The following F13A1 variants were observed in gnomAD, a reference collection of about 807,000 sequenced individuals.
F13A1 encodes the protein FSF, A subunit.
F13A1 carries 47 observed loss-of-function variants against 80.1 expected under a neutral mutation model. The observed-to-expected ratio is 0.59, with a 90% CI of 0.46 to 0.75. The LOEUF (loss-of-function observed/expected upper bound fraction) is 0.75, where lower values mean the gene tolerates loss of function less well. Among genes scored for constraint, F13A1 ranks in the 30% least tolerant of loss-of-function variants. The probability of loss-of-function intolerance (pLI) is 0.00; values close to 1 mark genes in which losing one functional copy is unlikely to be tolerated. For synonymous variants in F13A1, 349 were observed against 344.9 expected (o/e 1.01, Z -0.13); for missense variants, 817 against 930.4 (o/e 0.88, Z 1.59).
chr6:6,308,606 C>CTT (rs770570204), intron 2 of F13A1, among the ~76,000 whole-genome samples: 1,629 of 88,832 alleles, frequency 0.018, 28 homozygotes, highest in East Asian at 0.024. Flanking sequence ...AAAACACATT[C>CTT]TTTTTTTTTT....
intron 13 of F13A1, among the ~76,000 whole-genome samples, chr6:6,153,422 C>T (rs543888705): frequency 1.3e-5 from 2 of 152,198 alleles, no homozygotes; most frequent in Admixed American, 6.5e-5. Flanking sequence ...TATTATATAT[C>T]GATTAAAAGA....
intron 3 of F13A1, among the ~76,000 whole-genome samples, chr6:6,275,632 G>A (rs958474507): frequency 3.9e-5 from 6 of 152,182 alleles, no homozygotes; most frequent in African/African-American, 7.2e-5. Flanking sequence ...GCCTCCCAAT[G>A]TGCTGGGATT....
intron 3 of F13A1, among the ~76,000 whole-genome samples, chr6:6,291,463 T>C (rs1758223535): frequency 6.6e-6 from 1 of 152,154 alleles, no homozygotes; most frequent in South Asian, 2.1e-4. Context: ...TAAAGATTCA[T>C]CCAAATTGAC....
In F13A1 at chr6:6,197,593, G is replaced by A. The variant is rs1012185315; in HGVS notation, c.1113-267C>T. Among the ~76,000 whole-genome samples the A allele has an allele frequency of 3.9e-5, 6 of 151,912 alleles. No homozygotes were observed. The East Asian group carries it at 7.7e-4, about 20-fold the overall frequency. On this transcript the variant is annotated intron_variant, in intron 8 of 14. Transcript: ENST00000264870. ...CTTGGGAGGCTGAGGCAGGAGAATC[G>A]CTTGAATCTGGGATATGGAGGTTAC...
At chr6:6,179,075 A>G (rs1036963550) in intron 11 of F13A1, among the ~76,000 whole-genome samples, 2 of 152,174 alleles carry the variant, frequency 1.3e-5, no homozygotes, top group African/African-American at 4.8e-5. Context: ...GATTTTTGTA[A>G]TTTTTGTTTT....
intron 8 of F13A1, among the ~76,000 whole-genome samples, chr6:6,213,126 T>G (rs373062357): frequency 6.6e-6 from 1 of 152,132 alleles, no homozygotes; most frequent in South Asian, 2.1e-4. Context: ...TCCAGGAGAA[T>G]TTCCCCAATC....
intron 6 of F13A1, 49 bp from the exon 7 acceptor site, chr6:6,224,909 G>A: frequency 6.2e-7 from 1 of 1,603,856 alleles, no homozygotes; most frequent in Non-Finnish European, 8.5e-7. Flanking sequence ...ATTTAGGTTT[G>A]TCTACTCCAG....
At chr6:6,296,815 GT>G (rs1422575381) in intron 3 of F13A1, among the ~76,000 whole-genome samples, 3 of 147,138 alleles carry the variant, frequency 2.0e-5, no homozygotes, top group African/African-American at 7.9e-5. Flanking sequence ...GGGCATCCCT[GT>G]CTTGTGCCAG....
Position 6,305,554 on chromosome 6 carries a change from A to G in F13A1, c.131-15T>C. The G allele has an allele frequency of 6.2e-7, 1 of 1,613,702 alleles. No homozygotes were observed. The highest frequency in any genetic ancestry group is 8.5e-7 in the Non-Finnish European group (1 of 1,179,634). ...ATTAAGAAACTCTATGAACAAGAAAAACAAGGGTTGAAGAAAATAATCAAC... is the reference window on the plus strand; with the variant it reads ...ATTAAGAAACTCTATGAACAAGAAAGACAAGGGTTGAAGAAAATAATCAAC... On this transcript the variant is annotated splice_polypyrimidine_tract_variant and intron_variant, in intron 2 of 14. Transcript: ENST00000264870.
At chr6:6,241,118 T>A (rs1043659781) in intron 6 of F13A1, among the ~76,000 whole-genome samples, 1 of 152,166 alleles carries the variant, frequency 6.6e-6, no homozygotes, top group Non-Finnish European at 1.5e-5. Context: ...AGAAATTTCA[T>A]TCCTGATATG....
intron 2 of F13A1, among the ~76,000 whole-genome samples, chr6:6,317,603 A>C (rs948671756): frequency 1.5e-4 from 23 of 151,998 alleles, no homozygotes; most frequent in Admixed American, 1.5e-3. Context: ...TCCCTTTGCT[A>C]TATGGAGAGC....
chr6:6,248,768 G>A (rs1324637929), intron 5 of F13A1, among the ~76,000 whole-genome samples: 1 of 152,140 alleles, frequency 6.6e-6, no homozygotes, highest in Admixed American at 6.5e-5. Flanking sequence ...AAGAAGGAAT[G>A]AATCATTTAC....
chr6:6,278,287 A>C, intron 3 of F13A1, among the ~76,000 whole-genome samples: 1 of 152,200 alleles, frequency 6.6e-6, no homozygotes. Context: ...AAGTGCTATG[A>C]AAAAATGACT....
intron 13 of F13A1, among the ~76,000 whole-genome samples, chr6:6,155,230 CAGTG>C (rs1472535853): frequency 1.3e-5 from 2 of 152,174 alleles, no homozygotes; most frequent in African/African-American, 4.8e-5. Context: ...TCACTGATGA[CAGTG>C]AGAAGGAATG....
chr6:6,285,673 G>A (rs926401522), intron 3 of F13A1, among the ~76,000 whole-genome samples: 14 of 152,220 alleles, frequency 9.2e-5, no homozygotes, highest in African/African-American at 3.4e-4. Flanking sequence ...TAGGGGAGGA[G>A]AGGGCTTCCC....
intron 3 of F13A1, among the ~76,000 whole-genome samples, chr6:6,277,062 C>T (rs1177556052): frequency 2.0e-5 from 3 of 152,086 alleles, no homozygotes; most frequent in Non-Finnish European, 4.4e-5. Context: ...TTTCCTTTTG[C>T]TGTTTAGACA....
At chr6:6,266,866 C>T (rs1757852951) in intron 3 of F13A1, 57 bp from the exon 4 acceptor site, 3 of 1,611,548 alleles carry the variant, frequency 1.9e-6, no homozygotes, top group South Asian at 2.2e-5. Flanking sequence ...CATTTTTGTT[C>T]TCACTCTGTT....
chr6:6,236,527 C>T (rs932893388), intron 6 of F13A1, among the ~76,000 whole-genome samples: 3 of 152,000 alleles, frequency 2.0e-5, no homozygotes, highest in African/African-American at 7.2e-5. Context: ...TTTCTTGATT[C>T]TTCAATTTCC....
intron 3 of F13A1, among the ~76,000 whole-genome samples, chr6:6,287,876 C>G (rs1758160382): frequency 6.6e-6 from 1 of 152,140 alleles, no homozygotes. Flanking sequence ...ATGGATGTAA[C>G]AAGGAGACTG....
Sources: allele counts gnomAD v4.1 joint callset (sites outside exome capture counted in the v4.1 genomes callset), GRCh38; gene constraint gnomAD v4.1.1; transcripts MANE v1.5; gene names NCBI Gene and HGNC (gene_info 2026-07-23, HGNC 2026-07-21).